ANKRD17: variants seen among roughly 807,000 people sequenced by gnomAD.
ANKRD17 encodes the protein ankyrin repeat domain 17, also known as ankyrin repeat domain-containing protein 17.
Under a neutral mutation model 229.7 loss-of-function variants are expected in ANKRD17, and 19 were observed. The ratio of observed to expected loss-of-function variants is 0.08; its 90% CI spans 0.06 to 0.12. The LOEUF (loss-of-function observed/expected upper bound fraction) is 0.12. Ranked by LOEUF, ANKRD17 falls within the 10% of genes least tolerant of loss-of-function variation. ANKRD17 has a pLI of 1.00. For missense variants in ANKRD17, 2,176 were observed against 3,176.8 expected (o/e 0.68, Z 7.57); for synonymous variants, 1,112 against 1,146.1 (o/e 0.97, Z 0.60).
chr4:73,177,272 A>C, intron 2 of ANKRD17, 108 bp downstream of exon 2: 1 of 1,046,046 alleles, frequency 9.6e-7, no homozygotes, highest in Non-Finnish European at 1.3e-6. Flanking sequence ...CTTTATTAAT[A>C]GTATCATTCT....
intron 12 of ANKRD17, 48 bp from the exon 13 acceptor site, chr4:73,142,433 T>G (rs1179313040): frequency 1.3e-6 from 2 of 1,580,940 alleles, no homozygotes; most frequent in African/African-American, 1.4e-5. Flanking sequence ...AAAAATAAGT[T>G]AGTTTACAGA....
At chr4:73,191,224 T>C (rs1020661685) in intron 1 of ANKRD17, among the ~76,000 whole-genome samples, 1 of 151,998 alleles carries the variant, frequency 6.6e-6, no homozygotes, top group Non-Finnish European at 1.5e-5. Context: ...ATGGGACTTA[T>C]AAAGTGTGAT....
intron 1 of ANKRD17, among the ~76,000 whole-genome samples, chr4:73,190,325 C>T (rs563506233): frequency 1.6e-4 from 24 of 152,036 alleles, no homozygotes; most frequent in South Asian, 2.1e-4. Flanking sequence ...GCTGAGATTG[C>T]GCCACTGCAC....
At chr4:73,213,457 G>A (rs1740592564) in intron 1 of ANKRD17, among the ~76,000 whole-genome samples, 2 of 152,146 alleles carry the variant, frequency 1.3e-5, no homozygotes, top group African/African-American at 4.8e-5. Flanking sequence ...GCTCAGGACA[G>A]CAAAGAATCC....
rs1258638132 is a variant in ANKRD17, at chr4:73,091,055, A to T, written c.6573T>A (p.Asn2191Lys). The T allele has an allele frequency of 3.1e-6, 5 of 1,614,180 alleles. No individual in the cohort carries two copies. Among genetic ancestry groups the T allele is most frequent in the Non-Finnish European group, 4.2e-6 (5 of 1,180,036 alleles). The stretch of plus-strand genomic sequence containing the variant: ...CAGATGAATTTTGCACTGAAGCTGA[A>T]TTCTTGTGAGGGGCAGTTGTGCCAT... ...PPHGTTAPHK[N>K]SASVQNSSVA... Residue 2191 changes from asparagine to lysine, a missense_variant, in exon 29 of 34, where the codon AAT becomes AAA. Around this residue, in one of 18 missense-constraint regions of ANKRD17, gnomAD observed 424 missense variants for 454.0 expected, o/e 0.93. Transcript: ENST00000358602.
intron 1 of ANKRD17, among the ~76,000 whole-genome samples, chr4:73,190,007 T>C (rs936426867): frequency 6.6e-6 from 1 of 152,208 alleles, no homozygotes. Context: ...CAAAAGTACG[T>C]GATTAAAGAC....
At chr4:73,144,701 G>T in intron 11 of ANKRD17, 44 bp downstream of exon 11, 2 of 1,359,784 alleles carry the variant, frequency 1.5e-6, no homozygotes, top group South Asian at 1.4e-5. Context: ...GAAGGCAGGG[G>T]TAGATACCTT....
intron 7 of ANKRD17, among the ~76,000 whole-genome samples, chr4:73,150,500 T>C (rs1441059833): frequency 6.6e-6 from 1 of 152,182 alleles, no homozygotes; most frequent in Non-Finnish European, 1.5e-5. Context: ...TTTCCTCATT[T>C]TACAGATGAA....
intron 1 of ANKRD17, among the ~76,000 whole-genome samples, chr4:73,232,745 A>C (rs1743169495): frequency 6.6e-6 from 1 of 152,006 alleles, no homozygotes; most frequent in South Asian, 2.1e-4. Context: ...ATTTTTTGAG[A>C]CAGAGCCTCA....
At chr4:73,104,164 T>C (rs1724339352) in intron 24 of ANKRD17, 1 of 152,196 alleles carries the variant, frequency 6.6e-6, no homozygotes. Flanking sequence ...CCTGGAAATT[T>C]CTGCTGGACT....
At chr4:73,210,455 G>A (rs1189788851) in intron 1 of ANKRD17, among the ~76,000 whole-genome samples, 1 of 152,122 alleles carries the variant, frequency 6.6e-6, no homozygotes, top group African/African-American at 2.4e-5. Flanking sequence ...ATGAGTGTGT[G>A]TGTATATGTG....
At chr4:73,105,638 G>A (rs1391751408) in intron 24 of ANKRD17, among the ~76,000 whole-genome samples, 1 of 152,056 alleles carries the variant, frequency 6.6e-6, no homozygotes. Context: ...AAAAAAAGAA[G>A]GATTTGTCAG....
chr4:73,142,919 T>C (rs148644292), intron 11 of ANKRD17, 152 bp from the exon 12 acceptor site: 1 of 800,188 alleles, frequency 1.2e-6, no homozygotes, highest in African/African-American at 1.8e-5. Context: ...ACAAGGCCAA[T>C]CTCATTTCAC....
At chr4:73,146,897 A>G (rs1387312460) in intron 9 of ANKRD17, 24 bp from the exon 10 acceptor site, 2 of 1,564,738 alleles carry the variant, frequency 1.3e-6, no homozygotes, top group Non-Finnish European at 1.8e-6. Context: ...CAAATAATAC[A>G]TAGACTTAAT....
chr4:73,231,411 A>G (rs1743030216), intron 1 of ANKRD17, among the ~76,000 whole-genome samples: 1 of 152,146 alleles, frequency 6.6e-6, no homozygotes, highest in Admixed American at 6.5e-5. Flanking sequence ...ACAAGCTCCA[A>G]TCAGTCTGGT....
chr4:73,187,689 G>A (rs916988752), intron 1 of ANKRD17, among the ~76,000 whole-genome samples: 1 of 152,114 alleles, frequency 6.6e-6, no homozygotes, highest in Non-Finnish European at 1.5e-5. Context: ...AATAAATCCC[G>A]TCATTCCTTC....
intron 1 of ANKRD17, among the ~76,000 whole-genome samples, chr4:73,253,154 T>C (rs1328076788): frequency 6.6e-6 from 1 of 152,244 alleles, no homozygotes; most frequent in African/African-American, 2.4e-5. Context: ...AATCCTTCTA[T>C]GCCAGTATGT....
At chr4:73,178,909 T>C (rs926235791) in intron 1 of ANKRD17, among the ~76,000 whole-genome samples, 2 of 152,118 alleles carry the variant, frequency 1.3e-5, no homozygotes, top group African/African-American at 4.8e-5. Flanking sequence ...ACTAAAATGA[T>C]CAGTTTATTT....
At chr4:73,178,001 C>A (rs1734967113) in intron 1 of ANKRD17, among the ~76,000 whole-genome samples, 2 of 152,060 alleles carry the variant, frequency 1.3e-5, no homozygotes, top group African/African-American at 4.8e-5. Context: ...ATATCACTAT[C>A]AAAAAATCAC....
Sources: gnomAD v4.1 joint callset for allele counts (sites outside exome capture counted in the v4.1 genomes callset) on GRCh38, gnomAD v4.1.1 for gene constraint, gnomAD v4.1.1 regional missense constraint, MANE v1.5 for transcripts, NCBI Gene and HGNC (gene_info 2026-07-23, HGNC 2026-07-21) for gene names.